Variants in SCPEP1 observed in about 807,000 individuals in gnomAD.
The protein encoded by SCPEP1 is serine carboxypeptidase 1.
SCPEP1 carries 51 observed loss-of-function variants against 63.8 expected under a neutral mutation model. That is an observed-to-expected ratio of 0.80 (90% CI 0.64 to 1.01). The LOEUF (loss-of-function observed/expected upper bound fraction) is 1.01, where lower values mean the gene tolerates loss of function less well. Among genes scored for constraint, SCPEP1 ranks in the 50% least tolerant of loss-of-function variants. SCPEP1 has a pLI of 0.00. For missense variants in SCPEP1, 499 were observed against 554.9 expected (o/e 0.90, Z 1.01); for synonymous variants, 204 against 207.8 (o/e 0.98, Z 0.16).
chr17:56,985,553 C>A, intron 3 of SCPEP1, 86 bp downstream of exon 3: 1 of 956,662 alleles, frequency 1.0e-6, no homozygotes, highest in Non-Finnish European at 1.7e-6. Context: ...ACAAATGTAG[C>A]AATCCCTCGC....
chr17:57,006,066 G>A, intron 12 of SCPEP1, 107 bp from the exon 13 acceptor site: 2 of 800,760 alleles, frequency 2.5e-6, no homozygotes, highest in Non-Finnish European at 2.0e-6. Context: ...ACAGGTTGCT[G>A]TCACAGAGCT....
chr17:56,995,006 C>T lies in SCPEP1; in HGVS notation c.645C>T (p.Tyr215=). 2 of 1,613,412 alleles carry T rather than the reference C, an allele frequency of 1.2e-6. No individual in the cohort carries two copies. The highest frequency in any genetic ancestry group is 2.2e-5 in the South Asian group (2 of 91,060). ...PVDSVLSWGP[Y]LYSMSLLEDK... is the part of the protein sequence containing the mutation. ...ATTCGGTGCTCTCCTGGGGACCTTA[C>T]CTGTACAGCATGGTAAGTAGATACA... is the stretch of plus-strand genomic sequence containing the variant. Residue 215 remains tyrosine, a synonymous_variant, in exon 7 of 13, where the codon TAC becomes TAT. Coordinates refer to ENST00000262288, the MANE Select transcript of SCPEP1 (RefSeq NM_021626.3).
Position 56,978,254 on chromosome 17 carries a change from C to A in SCPEP1, c.76+19C>A, listed in dbSNP as rs1158868371. The A allele has an allele frequency of 6.6e-7, 1 of 1,522,874 alleles. No homozygotes were observed. The highest frequency in any genetic ancestry group is 2.0e-5 in the Admixed American group (1 of 50,268). 94.3% of individuals were successfully genotyped at this position (1,522,874 alleles called of 1,614,324 possible). ...AACGCAGGTAGGTTCAAGCAAGAGG[C>A]GCACCAGCTGCCATGCCTCTTTTTT... On this transcript the variant is annotated intron_variant, in intron 1 of 12. Coordinates refer to ENST00000262288, the MANE Select transcript of SCPEP1 (RefSeq NM_021626.3).
At chr17:56,999,046 T>C (rs1911660490) in intron 10 of SCPEP1, among the ~76,000 whole-genome samples, 1 of 152,104 alleles carries the variant, frequency 6.6e-6, no homozygotes, top group Non-Finnish European at 1.5e-5. Flanking sequence ...TAATTGGTTG[T>C]GAGTTAATAA....
chr17:56,993,747 G>A (rs750673520), intron 6 of SCPEP1, among the ~76,000 whole-genome samples: 9 of 152,048 alleles, frequency 5.9e-5, no homozygotes, highest in African/African-American at 2.2e-4. Context: ...GCACCCAGCC[G>A]GTAAAAGTTA....
chr17:57,001,417 G>A (rs1911737511), intron 11 of SCPEP1, among the ~76,000 whole-genome samples: 1 of 152,132 alleles, frequency 6.6e-6, no homozygotes. Context: ...AATGGTCTTT[G>A]TGGAATCCTG....
chr17:56,983,660 G>A (rs1053902152), intron 2 of SCPEP1: 7 of 152,102 alleles, frequency 4.6e-5, no homozygotes, highest in Non-Finnish European at 1.0e-4. Context: ...ACTTTTTACT[G>A]CTTAGGAAAT....
Position 57,006,362 on chromosome 17 carries a change from C to A in SCPEP1, c.*127C>A. 2 of 554,330 alleles carry A rather than the reference C, an allele frequency of 3.6e-6. No homozygotes were observed. Among genetic ancestry groups the A allele is most frequent in the South Asian group, 5.1e-5 (1 of 19,670 alleles). 34.3% of individuals were successfully genotyped at this position (554,330 alleles called of 1,614,324 possible). On this transcript the variant is annotated 3_prime_UTR_variant, in exon 13 of 13. Transcript: ENST00000262288. ...GGGCTGTGATCAAGAAGGTTCTGAC[C>A]AGCTTCTGCAGAGGATAAAATCATT...
chr17:56,988,281 G>A lies in SCPEP1; in HGVS notation c.537G>A (p.Glu179=), dbSNP rs762493979. ...GGKMAAGIGL[E]LYKAIQRGTI... is the part of the protein sequence containing the mutation. The stretch of plus-strand genomic sequence containing the variant: ...AAATGGCAGCTGGCATTGGTCTAGA[G>A]CTTTATAAGGTAATGGAAAATAACT... Residue 179 remains glutamate, a synonymous_variant, in exon 5 of 13, where the codon GAG becomes GAA. Transcript: ENST00000262288. The A allele has an allele frequency of 6.2e-7, 1 of 1,610,264 alleles. No individual in the cohort carries two copies. Among genetic ancestry groups the A allele is most frequent in the Non-Finnish European group, 8.5e-7 (1 of 1,177,284 alleles).
In SCPEP1 at chr17:56,988,992, G is replaced by A. The variant is rs150983363; in HGVS notation, c.546+702G>A. ...GCTTGTGACCAGGAGTTCCAGACCA[G>A]CCTGGGCAACATAGCGACACCCTGT... On this transcript the variant is annotated intron_variant, in intron 5 of 12. Coordinates refer to ENST00000262288, the MANE Select transcript of SCPEP1 (RefSeq NM_021626.3). Among the ~76,000 whole-genome samples, 19 of 151,850 alleles carry A rather than the reference G, an allele frequency of 1.3e-4. No individual in the cohort carries two copies. The East Asian group carries it at 3.5e-3, about 28-fold the overall frequency.
chr17:56,979,678 T>A (rs1911015001), intron 1 of SCPEP1, among the ~76,000 whole-genome samples: 1 of 152,184 alleles, frequency 6.6e-6, no homozygotes, highest in Non-Finnish European at 1.5e-5. Flanking sequence ...CACAGATATA[T>A]ATCGTTCAGT....
chr17:57,006,154 A>G lies in SCPEP1; in HGVS notation c.1297-19A>G. ...GGAATAGCACCAGGAGCACTAACTCAGATGTTGTTTTTTTCTAGGTTCCTT... is the reference window on the plus strand; with the variant it reads ...GGAATAGCACCAGGAGCACTAACTCGGATGTTGTTTTTTTCTAGGTTCCTT... On this transcript the variant is annotated intron_variant, in intron 12 of 12. Coordinates refer to ENST00000262288, the MANE Select transcript of SCPEP1 (RefSeq NM_021626.3). The G allele has an allele frequency of 6.2e-7, 1 of 1,602,438 alleles. No individual in the cohort carries two copies. Among genetic ancestry groups the G allele is most frequent in the Non-Finnish European group, 8.5e-7 (1 of 1,173,088 alleles).
At chr17:56,996,601 C>G (rs1207687303) in intron 8 of SCPEP1, among the ~76,000 whole-genome samples, 1 of 152,034 alleles carries the variant, frequency 6.6e-6, no homozygotes, top group East Asian at 1.9e-4. Context: ...CTCACTGCAA[C>G]CTCTGCCTCC....
chr17:56,980,788 CAAAAAA>C (rs10716600), intron 1 of SCPEP1, among the ~76,000 whole-genome samples: 2 of 77,144 alleles, frequency 2.6e-5, no homozygotes, highest in South Asian at 4.9e-4. Context: ...GACTTCGTAT[CAAAAAA>C]AAAAAAAAAA....
Position 56,997,012 on chromosome 17 carries a change from G to A in SCPEP1, c.837G>A (p.Thr279=), listed in dbSNP as rs148083534. 216 of 1,609,480 alleles carry A rather than the reference G, an allele frequency of 1.3e-4. 1 individual carries two copies. The African/African-American group carries it at 2.2e-3, about 16-fold the overall frequency. ...FYNILTKSTP[T]STMESSLEFT... ...ACATCTTAACTAAAAGCACTCCCACGTCTACAATGGAGTCGAGTCTAGAAT... is the reference window on the plus strand; with the variant it reads ...ACATCTTAACTAAAAGCACTCCCACATCTACAATGGAGTCGAGTCTAGAAT... Residue 279 remains threonine, a synonymous_variant, in exon 9 of 13, where the codon ACG becomes ACA. Transcript: ENST00000262288.
chr17:56,981,380 T>A, intron 2 of SCPEP1, 150 bp downstream of exon 2: 1 of 772,832 alleles, frequency 1.3e-6, no homozygotes, highest in Non-Finnish European at 2.1e-6. Flanking sequence ...TGAGGTAGGC[T>A]GAGGCAATGG....
chr17:56,991,272 T>G (rs1220792029), intron 6 of SCPEP1, 101 bp downstream of exon 6: 4 of 910,346 alleles, frequency 4.4e-6, no homozygotes, highest in Non-Finnish European at 7.4e-6. Flanking sequence ...AGCAGGAGAA[T>G]GTTCTGGGCC....
At chr17:56,992,048 C>T (rs1911416368) in intron 6 of SCPEP1, among the ~76,000 whole-genome samples, 1 of 152,138 alleles carries the variant, frequency 6.6e-6, no homozygotes, top group Non-Finnish European at 1.5e-5. Context: ...GGGAAATAAG[C>T]AGGAAAGGTA....
chr17:56,984,443 C>G (rs975130771), intron 2 of SCPEP1: 4 of 152,278 alleles, frequency 2.6e-5, no homozygotes, highest in Non-Finnish European at 4.4e-5. Context: ...AATTAGAAAG[C>G]CCACCCAACC....
Sources: gnomAD v4.1 joint callset for allele counts (sites outside exome capture counted in the v4.1 genomes callset) on GRCh38, gnomAD v4.1.1 for gene constraint, MANE v1.5 for transcripts, NCBI Gene and HGNC (gene_info 2026-07-23, HGNC 2026-07-21) for gene names.